Variants in ATP8A2 observed in about 807,000 individuals in gnomAD.
The protein encoded by ATP8A2 is ATPase phospholipid transporting 8A2.
ATP8A2 carries 100 observed loss-of-function variants against 165.6 expected under a neutral mutation model. That is an observed-to-expected ratio of 0.60 (90% CI 0.51 to 0.71). ATP8A2 has a LOEUF of 0.71. Among genes scored for constraint, ATP8A2 ranks in the 30% least tolerant of loss-of-function variants. The probability of loss-of-function intolerance (pLI) is 0.00; values close to 1 mark genes in which losing one functional copy is unlikely to be tolerated. For missense variants in ATP8A2, 1,227 were observed against 1,479.5 expected (o/e 0.83, Z 2.80); for synonymous variants, 543 against 548.8 (o/e 0.99, Z 0.15).
At chr13:25,950,433 G>T (rs552352276) in intron 33 of ATP8A2, among the ~76,000 whole-genome samples, 1 of 152,302 alleles carries the variant, frequency 6.6e-6, no homozygotes, top group South Asian at 2.1e-4. Flanking sequence ...GTAATAATTT[G>T]AGGGAGTCAA....
chr13:25,614,855 T>A (rs4272885), intron 24 of ATP8A2, among the ~76,000 whole-genome samples: 3 of 152,132 alleles, frequency 2.0e-5, no homozygotes, highest in Non-Finnish European at 4.4e-5. Flanking sequence ...TGATGTGGAC[T>A]GTCTACAGGT....
At chr13:25,972,929 GA>G (rs1437487239) in intron 35 of ATP8A2, among the ~76,000 whole-genome samples, 4 of 151,044 alleles carry the variant, frequency 2.6e-5, no homozygotes, top group Middle Eastern at 3.4e-3. Context: ...TGGCAAGCAA[GA>G]AAAAAAAGGG....
At chr13:25,697,820 C>T (rs917685242) in intron 24 of ATP8A2, among the ~76,000 whole-genome samples, 2 of 152,206 alleles carry the variant, frequency 1.3e-5, no homozygotes, top group African/African-American at 4.8e-5. Context: ...GACTAGAACC[C>T]AGGTCATCTG....
chr13:25,617,926 C>T (rs1335422873), intron 24 of ATP8A2, among the ~76,000 whole-genome samples: 2 of 151,942 alleles, frequency 1.3e-5, no homozygotes, highest in Non-Finnish European at 2.9e-5. Flanking sequence ...TGTGAAAGTT[C>T]CCAACATAGA....
At chr13:25,764,811 C>T (rs1236490374) in intron 25 of ATP8A2, among the ~76,000 whole-genome samples, 1 of 152,150 alleles carries the variant, frequency 6.6e-6, no homozygotes, top group Admixed American at 6.5e-5. Flanking sequence ...TAGGGGGTTC[C>T]TGGGTGGAGT....
chr13:25,985,048 C>T (rs756797761), intron 35 of ATP8A2, among the ~76,000 whole-genome samples: 3 of 152,164 alleles, frequency 2.0e-5, no homozygotes, highest in Non-Finnish European at 4.4e-5. Context: ...CACGTAAGAA[C>T]GAAGGAACCA....
chr13:25,871,433 C>A (rs946095983), intron 33 of ATP8A2, among the ~76,000 whole-genome samples: 11 of 152,044 alleles, frequency 7.2e-5, no homozygotes, highest in African/African-American at 2.4e-4. Context: ...CCAGAGATGG[C>A]AGGGATCTTC....
chr13:25,459,478 A>C (rs961349364), intron 1 of ATP8A2, among the ~76,000 whole-genome samples: 1 of 152,224 alleles, frequency 6.6e-6, no homozygotes, highest in Non-Finnish European at 1.5e-5. Context: ...GAAGATGAGC[A>C]TGGGCCCTGC....
chr13:25,534,625 C>T (rs1319147331), intron 6 of ATP8A2, among the ~76,000 whole-genome samples: 1 of 152,208 alleles, frequency 6.6e-6, no homozygotes, highest in Non-Finnish European at 1.5e-5. Flanking sequence ...GGGAGAAAAA[C>T]AACAATAACA....
At chr13:26,004,198 G>A (rs1358386009) in intron 35 of ATP8A2, among the ~76,000 whole-genome samples, 6 of 151,974 alleles carry the variant, frequency 3.9e-5, no homozygotes, top group African/African-American at 1.2e-4. Context: ...TTTCATCAGT[G>A]TTTTGTAGTT....
intron 24 of ATP8A2, among the ~76,000 whole-genome samples, chr13:25,651,076 G>C (rs774190319): frequency 6.6e-6 from 1 of 152,038 alleles, no homozygotes; most frequent in African/African-American, 2.4e-5. Context: ...TTTCTTCCTT[G>C]AATGCTTGAT....
chr13:25,593,360 A>G (rs2040144826), intron 24 of ATP8A2, among the ~76,000 whole-genome samples: 1 of 152,262 alleles, frequency 6.6e-6, no homozygotes, highest in Non-Finnish European at 1.5e-5. Flanking sequence ...ACCAGTAAGT[A>G]TGGCCAGGTT....
chr13:25,903,133 G>A (rs1033824851), intron 33 of ATP8A2, among the ~76,000 whole-genome samples: 7 of 151,792 alleles, frequency 4.6e-5, no homozygotes, highest in African/African-American at 4.8e-5. Flanking sequence ...AAAACAAAAC[G>A]AAACAAAACA....
chr13:25,684,282 G>C (rs566336321), intron 24 of ATP8A2, among the ~76,000 whole-genome samples: 2 of 152,284 alleles, frequency 1.3e-5, no homozygotes, highest in African/African-American at 4.8e-5. Context: ...AAATATTTTT[G>C]CTCCTGCGTT....
chr13:26,014,382 CT>C (rs1456006902), intron 36 of ATP8A2, among the ~76,000 whole-genome samples: 1 of 152,104 alleles, frequency 6.6e-6, no homozygotes, highest in Non-Finnish European at 1.5e-5. Flanking sequence ...ATATCCTTGA[CT>C]GACTAAAATT....
intron 24 of ATP8A2, among the ~76,000 whole-genome samples, chr13:25,688,374 A>G (rs2042649999): frequency 6.6e-6 from 1 of 151,210 alleles, no homozygotes; most frequent in Admixed American, 6.6e-5. Context: ...GGTTCTACAC[A>G]GCCGGAAGCC....
Position 25,858,232 on chromosome 13 carries a change from T to A in ATP8A2, c.2957-1963T>A, listed in dbSNP as rs563969590. Among the ~76,000 whole-genome samples, 4 of 152,350 alleles carry A rather than the reference T, an allele frequency of 2.6e-5. No homozygotes were observed. The South Asian group carries it at 6.2e-4, about 24-fold the overall frequency. ...ACTCCTACAATTTTGAGTAACTATT[T>A]GCTAATACATCAGCATGTTGCCTTC... On this transcript the variant is annotated intron_variant, in intron 30 of 36. Coordinates refer to ENST00000381655, the MANE Select transcript of ATP8A2 (RefSeq NM_016529.6).
chr13:25,386,973 G>A (rs2033075753), intron 1 of ATP8A2, among the ~76,000 whole-genome samples: 1 of 97,624 alleles, frequency 1.0e-5, no homozygotes, highest in Admixed American at 9.5e-5. Context: ...CTCCAGCCTG[G>A]GCGTCAGAGC....
At position 25,699,360 on chromosome 13, in the gene ATP8A2, G is replaced by A. The variant is rs1156644280; in HGVS notation, c.2384+15G>A. On this transcript the variant is annotated intron_variant, in intron 25 of 36. Coordinates refer to ENST00000381655, the MANE Select transcript of ATP8A2 (RefSeq NM_016529.6). ...ATATGCTGCAGGTAGGAACCTGCAGGCTGTGCACAGTTCACACTCTGCTGT... is the reference window on the plus strand; with the variant it reads ...ATATGCTGCAGGTAGGAACCTGCAGACTGTGCACAGTTCACACTCTGCTGT... 4 of 1,589,658 alleles carry A rather than the reference G, an allele frequency of 2.5e-6. No homozygotes were observed. Among genetic ancestry groups the A allele is most frequent in the East Asian group, 2.3e-5 (1 of 44,408 alleles).
Sources: gnomAD v4.1 joint callset for allele counts (sites outside exome capture counted in the v4.1 genomes callset) on GRCh38, gnomAD v4.1.1 for gene constraint, MANE v1.5 for transcripts, NCBI Gene and HGNC (gene_info 2026-07-23, HGNC 2026-07-21) for gene names.